Variants in TASOR2 observed in about 807,000 individuals in gnomAD.
The protein encoded by TASOR2 is transcription activation suppressor family member 2, also known as protein TASOR 2.
In TASOR2, 84 loss-of-function variants were observed where a neutral mutation model predicts 199.5. That is an observed-to-expected ratio of 0.42 (90% CI 0.35 to 0.50). TASOR2 has a LOEUF of 0.50. Ranked by LOEUF, TASOR2 falls within the 20% of genes least tolerant of loss-of-function variation. The pLI is 0.02. For missense variants in TASOR2, 2,796 were observed against 2,835.9 expected (o/e 0.99, Z 0.32); for synonymous variants, 1,103 against 1,046.6 (o/e 1.05, Z -1.04).
rs1158262944 is a variant in TASOR2 at position 5,742,198 on chromosome 10, C to T, written c.2429C>T (p.Ser810Phe). 13 of 1,614,150 alleles carry T rather than the reference C, an allele frequency of 8.1e-6. No homozygotes were observed. The highest frequency in any genetic ancestry group is 9.3e-6 in the Non-Finnish European group (11 of 1,180,010). ...AGCAATCAGAACAAAATCATACGAT[C>T]TTCCCGAAAGGTTGTAGAACACAGC... Residue 810 changes from serine (S) to phenylalanine (F), a missense_variant, in exon 14 of 21, where the codon TCT (serine) becomes TTT (phenylalanine). Physicochemically the swap from Ser to Phe is radical, Grantham distance 155. Coordinates refer to ENST00000328090, the Ensembl canonical transcript of TASOR2. This position sits in a 1 kb window ranked among gnomAD's most constrained non-coding sequence, Gnocchi z 4.2.
Position 5,720,340 on chromosome 10 carries a change from A to G in TASOR2, c.-99-204A>G. The G allele has an allele frequency of 1.0e-6, 1 of 985,402 alleles. No individual in the cohort carries two copies. The highest frequency in any genetic ancestry group is 1.2e-6 in the Non-Finnish European group (1 of 829,912). 61.0% of individuals were successfully genotyped at this position (985,402 alleles called of 1,614,324 possible). A position where few individuals can be genotyped will look rare whatever the true frequency, so the allele number is the denominator to read the frequency against. On this transcript the variant is annotated intron_variant, in intron 3 of 20. Coordinates refer to ENST00000328090, the Ensembl canonical transcript of TASOR2. This position sits in a 1 kb window ranked among gnomAD's most constrained non-coding sequence, Gnocchi z 5.3. Reference sequence around the variant, plus strand: ...CTGGCTATGATTGCCACGTGTCTGAAAATACTAACAAGGTTTCTAACAAGA... The same window carrying G: ...CTGGCTATGATTGCCACGTGTCTGAGAATACTAACAAGGTTTCTAACAAGA...
In TASOR2 at chr10:5,742,504, T is replaced by C; in HGVS notation, c.2735T>C (p.Phe912Ser). 1.2e-6 allele frequency: 2 copies of C among 1,613,462 alleles called. No homozygotes were observed. The highest frequency in any genetic ancestry group is 8.5e-7 in the Non-Finnish European group (1 of 1,179,886). The change falls in exon 14 of 21, where the codon TTC becomes TCC. Residue 912 changes from phenylalanine (F) to serine (S), a missense_variant. Physicochemically the swap from Phe to Ser is radical, Grantham distance 155. Coordinates refer to ENST00000328090, the Ensembl canonical transcript of TASOR2. The surrounding 1 kb of genome is among the most constrained non-coding windows in gnomAD (Gnocchi z 4.2). ...CCAGACACCCAAGAAGACCAGAATT[T>C]CATCTGTTCTTACAATAATGAGGTA... is the stretch of plus-strand genomic sequence containing the variant.
chr10:5,720,307 G>A lies in TASOR2; in HGVS notation c.-99-237G>A, dbSNP rs1166295863. 1.0e-6 allele frequency: 1 copy of A among 985,202 alleles called. No homozygotes were observed. The highest frequency in any genetic ancestry group is 1.1e-4 in the East Asian group (1 of 8,826). The allele number at this position is 985,202 out of a possible 1,614,324, so 61.0% of individuals were successfully genotyped here. A position where few individuals can be genotyped will look rare whatever the true frequency, so the allele number is the denominator to read the frequency against. On this transcript the variant is annotated intron_variant, in intron 3 of 20. Transcript: ENST00000328090. The surrounding 1 kb of genome is among the most constrained non-coding windows in gnomAD (Gnocchi z 5.3). ...AGAATTATACAACTAACTATACTAA[G>A]CCATCTTCTGGCTATGATTGCCACG...
At chr10:5,759,126 C>T (rs967966728) in intron 18 of TASOR2, 134 bp downstream of exon 19, 2 of 637,152 alleles carry the variant, frequency 3.1e-6, no homozygotes, top group Non-Finnish European at 5.5e-6. Context: ...GCTGCTGGCT[C>T]TGTATTCAAT....
chr10:5,728,151 G>A (rs138230945), intron 10 of TASOR2, among the ~76,000 whole-genome samples: 96 of 150,954 alleles, frequency 6.4e-4, no homozygotes, highest in African/African-American at 2.0e-3. Context: ...AGCCCGAGAC[G>A]TGGAGGTTGC....
rs552052733 is a variant in TASOR2 at position 5,710,314 on chromosome 10, C to G, written c.-287-2509C>G. ...TCCAACAACTTTGTTTTTAACATAC[C>G]TCTGCTAACCATAAAATCACTGCTT... On this transcript the variant is annotated intron_variant, in intron 1 of 20. Coordinates refer to ENST00000328090, the Ensembl canonical transcript of TASOR2. The surrounding 1 kb of genome is among the most constrained non-coding windows in gnomAD (Gnocchi z 4.6). Among the ~76,000 whole-genome samples the G allele has an allele frequency of 6.6e-6, 1 of 152,024 alleles. No homozygotes were observed. Among genetic ancestry groups the G allele is most frequent in the Admixed American group, 6.6e-5 (1 of 15,266 alleles).
In TASOR2 at chr10:5,722,011, G is replaced by C. The variant is rs542245028; in HGVS notation, c.146+1041G>C. On this transcript the variant is annotated intron_variant, in intron 6 of 20. Coordinates refer to ENST00000328090, the Ensembl canonical transcript of TASOR2. This position sits in a 1 kb window ranked among gnomAD's most constrained non-coding sequence, Gnocchi z 4.0. The stretch of plus-strand genomic sequence containing the variant: ...AAGAGACGTGATTACTGAATGCATT[G>C]TGGCATCTTGGATTGGAAATTGTTT... 1.3e-5 allele frequency among the ~76,000 whole-genome samples: 2 copies of C among 152,360 alleles called. No individual in the cohort carries two copies. Among genetic ancestry groups the C allele is most frequent in the African/African-American group, 4.8e-5 (2 of 41,586 alleles).
rs1341008874 is a variant in TASOR2 at position 5,722,451 on chromosome 10, A to G, written c.147-1226A>G. ...AGCCTGGGCGACAGAGTGAAACCTT[A>G]TCTCAAAAAAAGAAAAGAAAAAATT... On this transcript the variant is annotated intron_variant, in intron 6 of 20. Transcript: ENST00000328090. This position sits in a 1 kb window ranked among gnomAD's most constrained non-coding sequence, Gnocchi z 4.0. Among the ~76,000 whole-genome samples, 1 of 151,968 alleles carries G rather than the reference A, an allele frequency of 6.6e-6. No homozygotes were observed. Among genetic ancestry groups the G allele is most frequent in the Admixed American group, 6.6e-5 (1 of 15,260 alleles).
intron 12 of TASOR2, among the ~76,000 whole-genome samples, chr10:5,736,408 A>G (rs1835597864): frequency 1.1e-5 from 1 of 95,032 alleles, no homozygotes; most frequent in Admixed American, 1.2e-4. Flanking sequence ...ACAGAGCGAG[A>G]CTCCGTCTCA....
intron 1 of TASOR2, among the ~76,000 whole-genome samples, chr10:5,693,258 G>C (rs886837259): frequency 1.3e-5 from 2 of 152,208 alleles, no homozygotes; most frequent in African/African-American, 4.8e-5. Flanking sequence ...GACGGTGCTA[G>C]TTGTGTGTGT....
chr10:5,742,490 A>G lies in TASOR2; in HGVS notation c.2721A>G (p.Gln907=), dbSNP rs1196641260. Residue 907 remains glutamine, a synonymous_variant, in exon 14 of 21, where the codon CAA becomes CAG. Transcript: ENST00000328090. The surrounding 1 kb of genome is among the most constrained non-coding windows in gnomAD (Gnocchi z 4.2). ...CAAGAGAGTGTGATCCAGACACCCAAGAAGACCAGAATTTCATCTGTTCTT... is the reference window on the plus strand; with the variant it reads ...CAAGAGAGTGTGATCCAGACACCCAGGAAGACCAGAATTTCATCTGTTCTT... 2 of 1,613,874 alleles carry G rather than the reference A, an allele frequency of 1.2e-6. No individual in the cohort carries two copies. Among genetic ancestry groups the G allele is most frequent in the East Asian group, 2.2e-5 (1 of 44,884 alleles).
rs1833505764 is a variant in TASOR2, at chr10:5,722,547, A to C, written c.147-1130A>C. 6.6e-6 allele frequency among the ~76,000 whole-genome samples: 1 copy of C among 152,148 alleles called. No homozygotes were observed. The highest frequency in any genetic ancestry group is 2.1e-4 in the South Asian group (1 of 4,826). ...CATCAGGTTTGCATCTTACTCCCAA[A>C]AGGTTCAGAAAAAAATAATGCGTGT... On this transcript the variant is annotated intron_variant, in intron 6 of 20. Coordinates refer to ENST00000328090, the Ensembl canonical transcript of TASOR2. This position sits in a 1 kb window ranked among gnomAD's most constrained non-coding sequence, Gnocchi z 4.0.
At position 5,742,055 on chromosome 10, in the gene TASOR2, C is replaced by A; in HGVS notation, c.2328-42C>A. The A allele has an allele frequency of 1.9e-6, 3 of 1,572,520 alleles. No individual in the cohort carries two copies. The highest frequency in any genetic ancestry group is 2.4e-5 in the South Asian group (2 of 84,760). The stretch of plus-strand genomic sequence containing the variant: ...TGATAAGGTAATCAACTAAAATAAC[C>A]ATTTTCAATGATTTTCATGTGTTCT... On this transcript the variant is annotated intron_variant, in intron 13 of 20. Coordinates refer to ENST00000328090, the Ensembl canonical transcript of TASOR2. The surrounding 1 kb of genome is among the most constrained non-coding windows in gnomAD (Gnocchi z 4.2).
At chr10:5,744,523 T>C (rs910772490) in intron 14 of TASOR2, among the ~76,000 whole-genome samples, 1 of 152,012 alleles carries the variant, frequency 6.6e-6, no homozygotes, top group Non-Finnish European at 1.5e-5. Flanking sequence ...AGCTGGTCTA[T>C]AACTCCTAAC....
exon 11 of TASOR2, chr10:5,731,003 G>C (rs1398594852): frequency 1.9e-6 from 3 of 1,614,022 alleles, no homozygotes; most frequent in Non-Finnish European, 2.5e-6. Context: ...GCAAAGAAGA[G>C]AGTTTTTCCA....
At position 5,746,162 on chromosome 10, in the gene TASOR2, TA is replaced by T; in HGVS notation, c.2758-16del. 3 of 1,506,104 alleles carry T rather than the reference TA, an allele frequency of 2.0e-6. No individual in the cohort carries two copies. 93.3% of individuals were successfully genotyped at this position (1,506,104 alleles called of 1,614,324 possible). On this transcript the variant is annotated splice_polypyrimidine_tract_variant and intron_variant, in intron 14 of 20. Coordinates refer to ENST00000328090, the Ensembl canonical transcript of TASOR2. ...TATATGACTGATTTTTTTTTTTTTT[TA>T]CTTTGGCCGTTTCAGGTAACTGGGG...
At chr10:5,749,532 C>A in exon 15 of TASOR2, 1 of 1,614,088 alleles carries the variant, frequency 6.2e-7, no homozygotes, top group South Asian at 1.1e-5. Flanking sequence ...GGAGCAGAAG[C>A]CCCCTTCTGG....
chr10:5,717,632 C>T, intron 2 of TASOR2, 27 bp from the exon 4 acceptor site: 1 of 1,027,880 alleles, frequency 9.7e-7, no homozygotes, highest in Non-Finnish European at 1.2e-6. Flanking sequence ...CAATCTGCTG[C>T]TTAATCTATA....
chr10:5,758,783 A>C (rs762319596), intron 17 of TASOR2, 104 bp from the exon 19 acceptor site: 1 of 778,820 alleles, frequency 1.3e-6, no homozygotes, highest in Non-Finnish European at 2.1e-6. Flanking sequence ...CATGGGTCTT[A>C]GTCTGTTTTT....
Sources: allele counts gnomAD v4.1 joint callset (sites outside exome capture counted in the v4.1 genomes callset), GRCh38; gene constraint gnomAD v4.1.1; non-coding constraint Gnocchi (gnomAD v3.1); transcripts MANE v1.5; gene names NCBI Gene and HGNC (gene_info 2026-07-23, HGNC 2026-07-21).